FOXN3: variants seen among roughly 807,000 people sequenced by gnomAD.
FOXN3 encodes forkhead box N3.
Under a neutral mutation model 38.4 loss-of-function variants are expected in FOXN3, and 7 were observed. The observed-to-expected ratio is 0.18, with a 90% CI of 0.10 to 0.34. The LOEUF is 0.34. Among genes scored for constraint, FOXN3 ranks in the 10% least tolerant of loss-of-function variants. FOXN3 has a pLI of 1.00. For synonymous variants in FOXN3, 230 were observed against 242.2 expected (o/e 0.95, Z 0.47); for missense variants, 456 against 613.4 (o/e 0.74, Z 2.71).
intron 4 of FOXN3, among the ~76,000 whole-genome samples, chr14:89,276,896 C>A (rs1886316202): frequency 1.3e-5 from 2 of 152,168 alleles, no homozygotes; most frequent in South Asian, 2.1e-4. Flanking sequence ...TGGCTTGTGG[C>A]AACTTTCAGC....
At chr14:89,197,846 G>T (rs957555555) in intron 4 of FOXN3, among the ~76,000 whole-genome samples, 1 of 152,208 alleles carries the variant, frequency 6.6e-6, no homozygotes, top group Admixed American at 6.5e-5. Context: ...AACGGCTGTC[G>T]CAGTAAATGA....
At chr14:89,426,176 A>T (rs1596268140) in intron 1 of FOXN3, among the ~76,000 whole-genome samples, 1 of 148,900 alleles carries the variant, frequency 6.7e-6, no homozygotes, top group Admixed American at 6.7e-5. Flanking sequence ...ACTCATTTGT[A>T]CGTGTCCATG....
chr14:89,451,038 A>T lies in FOXN3; in HGVS notation c.-14-38548T>A, dbSNP rs189629920. 7.3e-4 allele frequency among the ~76,000 whole-genome samples: 111 copies of T among 152,296 alleles called. 1 individual carries two copies. The highest frequency in any genetic ancestry group is 5.4e-3 in the East Asian group (28 of 5,186). On this transcript the variant is annotated intron_variant, in intron 1 of 6. Transcript: ENST00000345097. ...AAAGAATAACTGCCTTAGTTTCCCC[A>T]TCTGCAATCTGTGGGGCAGACCGTG...
chr14:89,202,304 G>A (rs532382629), intron 4 of FOXN3, among the ~76,000 whole-genome samples: 48 of 152,328 alleles, frequency 3.2e-4, no homozygotes, highest in African/African-American at 9.6e-4. Flanking sequence ...AGAGACACAG[G>A]ACGTAGTCTG....
Position 89,271,220 on chromosome 14 carries a change from C to T in FOXN3, c.745+9730G>A, listed in dbSNP as rs1886142961. Among the ~76,000 whole-genome samples, 3 of 152,340 alleles carry T rather than the reference C, an allele frequency of 2.0e-5. No homozygotes were observed. The South Asian group carries it at 6.2e-4, about 32-fold the overall frequency. ...ACGTCTGAAACTGTCATGCAAACAG[C>T]TCGCTCAGAATATATTCTAAAGAGT... On this transcript the variant is annotated intron_variant, in intron 4 of 5. Transcript: ENST00000557258.
At chr14:89,303,530 A>C (rs1438301066) in intron 3 of FOXN3, among the ~76,000 whole-genome samples, 1 of 151,434 alleles carries the variant, frequency 6.6e-6, no homozygotes. Flanking sequence ...CTAGCCCTAT[A>C]AAGTATATAG....
chr14:89,181,176 G>T (rs1283499778), intron 4 of FOXN3, among the ~76,000 whole-genome samples: 1 of 151,762 alleles, frequency 6.6e-6, no homozygotes, highest in Non-Finnish European at 1.5e-5. Flanking sequence ...CTAGTAGCTC[G>T]CAACCAAAGG....
At chr14:89,464,790 G>A (rs191539746) in intron 1 of FOXN3, among the ~76,000 whole-genome samples, 4 of 151,888 alleles carry the variant, frequency 2.6e-5, no homozygotes, top group African/African-American at 7.2e-5. Context: ...CTCCACCTCC[G>A]GGGCTCAAGC....
intron 1 of FOXN3, among the ~76,000 whole-genome samples, chr14:89,608,090 T>C (rs1896310214): frequency 6.6e-6 from 1 of 152,164 alleles, no homozygotes; most frequent in African/African-American, 2.4e-5. Flanking sequence ...GCCATTCTCC[T>C]GCCTCAGCCT....
intron 4 of FOXN3, among the ~76,000 whole-genome samples, chr14:89,202,708 C>T (rs1596100061): frequency 6.6e-6 from 1 of 152,156 alleles, no homozygotes; most frequent in South Asian, 2.1e-4. Context: ...CCTCCCTTCC[C>T]CCATCTCTCT....
At chr14:89,599,515 A>G (rs1017919167) in intron 1 of FOXN3, among the ~76,000 whole-genome samples, 1 of 152,132 alleles carries the variant, frequency 6.6e-6, no homozygotes, top group Non-Finnish European at 1.5e-5. Context: ...ATATTTGATT[A>G]TCTATTATCT....
rs921979261 is a variant in FOXN3, at chr14:89,161,819, T to G, written c.*595A>C. On this transcript the variant is annotated 3_prime_UTR_variant, in exon 6 of 6. Coordinates refer to ENST00000557258, the MANE Select transcript of FOXN3 (RefSeq NM_005197.4). ...CATCGAGGACTGGTGGCCGGCCCTC[T>G]GTGCTCGCCGTGTGACAATTCCAGT... 3 of 152,290 alleles carry G rather than the reference T, an allele frequency of 2.0e-5. No individual in the cohort carries two copies. Among genetic ancestry groups the G allele is most frequent in the African/African-American group, 7.2e-5 (3 of 41,424 alleles). 9.4% of individuals were successfully genotyped at this position (152,290 alleles called of 1,614,324 possible).
chr14:89,270,329 T>C (rs903186717), intron 4 of FOXN3, among the ~76,000 whole-genome samples: 2 of 152,242 alleles, frequency 1.3e-5, no homozygotes, highest in Non-Finnish European at 2.9e-5. Flanking sequence ...CTTTTGCTGT[T>C]GTCTGTCGGG....
intron 4 of FOXN3, among the ~76,000 whole-genome samples, chr14:89,266,697 G>A (rs1000884063): frequency 3.9e-5 from 6 of 152,248 alleles, no homozygotes; most frequent in African/African-American, 7.2e-5. Flanking sequence ...CTGCCATGGC[G>A]AATGAGCTCA....
In FOXN3 at chr14:89,179,958, T is replaced by C. The variant is rs111325539; in HGVS notation, c.851+743A>G. 9.9e-3 allele frequency among the ~76,000 whole-genome samples: 1,502 copies of C among 152,348 alleles called. 28 individuals carry two copies. The highest frequency in any genetic ancestry group is 0.034 in the African/African-American group (1,425 of 41,570). ...ATGCAGGGGCAGTCACAGAAGGTGC[T>C]TCTGCAGACAGCTAGAGGGGCACGG... On this transcript the variant is annotated intron_variant, in intron 5 of 5. Coordinates refer to ENST00000557258, the MANE Select transcript of FOXN3 (RefSeq NM_005197.4).
intron 1 of FOXN3, among the ~76,000 whole-genome samples, chr14:89,540,595 C>T (rs1387569306): frequency 6.6e-6 from 1 of 151,986 alleles, no homozygotes; most frequent in Non-Finnish European, 1.5e-5. Context: ...AAAATTTAGC[C>T]GAGCGTGGTC....
At chr14:89,176,614 C>T (rs971082728) in intron 5 of FOXN3, among the ~76,000 whole-genome samples, 1 of 152,246 alleles carries the variant, frequency 6.6e-6, no homozygotes, top group African/African-American at 2.4e-5. Flanking sequence ...GTCTCCACTG[C>T]ACTGCTTTCC....
At chr14:89,257,817 T>C (rs957910814) in intron 4 of FOXN3, among the ~76,000 whole-genome samples, 1 of 152,196 alleles carries the variant, frequency 6.6e-6, no homozygotes, top group Non-Finnish European at 1.5e-5. Flanking sequence ...GGTGTGAGAC[T>C]GGCTTGGTCC....
chr14:89,277,728 A>C (rs1886341589), intron 4 of FOXN3, among the ~76,000 whole-genome samples: 1 of 152,102 alleles, frequency 6.6e-6, no homozygotes, highest in South Asian at 2.1e-4. Context: ...GACAATGAAA[A>C]CTGGTGCCCC....
Sources: gnomAD v4.1 joint callset for allele counts (sites outside exome capture counted in the v4.1 genomes callset) on GRCh38, gnomAD v4.1.1 for gene constraint, MANE v1.5 for transcripts, NCBI Gene and HGNC (gene_info 2026-07-23, HGNC 2026-07-21) for gene names.